Variants in GPHN observed in about 807,000 individuals in gnomAD.
The protein encoded by GPHN is gephyrin.
Under a neutral mutation model 95.5 loss-of-function variants are expected in GPHN, and 17 were observed. The observed-to-expected ratio is 0.18, with a 90% CI of 0.12 to 0.27. GPHN has a LOEUF of 0.27. GPHN is among the 10% of genes least tolerant of loss of function. The probability of loss-of-function intolerance (pLI) is 1.00; values close to 1 mark genes in which losing one functional copy is unlikely to be tolerated. For missense variants in GPHN, 660 were observed against 978.1 expected (o/e 0.67, Z 4.34); for synonymous variants, 320 against 322.5 (o/e 0.99, Z 0.08).
the GPHN span, among the ~76,000 whole-genome samples, chr14:67,247,789 G>A: frequency 6.6e-6 from 1 of 152,002 alleles, no homozygotes; most frequent in Non-Finnish European, 1.5e-5. Flanking sequence ...ATGTTGCCCA[G>A]GCTGGTCTCA....
Position 66,924,167 on chromosome 14 carries a change from T to TA in GPHN, c.730-27_730-26insA, listed in dbSNP as rs756515605. 54 of 1,229,054 alleles carry TA rather than the reference T, an allele frequency of 4.4e-5. No individual in the cohort carries two copies. In the African/African-American group the frequency reaches 6.5e-4, roughly 15 times the overall value. 76.1% of individuals were successfully genotyped at this position (1,229,054 alleles called of 1,614,324 possible). A position where few individuals can be genotyped will look rare whatever the true frequency, so the allele number is the denominator to read the frequency against. On this transcript the variant is annotated intron_variant, in intron 7 of 22. Coordinates refer to ENST00000478722, the MANE Select transcript of GPHN (RefSeq NM_020806.5). ...GTTTCATGTTTTCCTGTCACTATAT[T>TA]CATAGTTGTTATGTGTTGTGCATTA...
the GPHN span, among the ~76,000 whole-genome samples, chr14:67,416,665 T>C: frequency 6.6e-6 from 1 of 152,236 alleles, no homozygotes; most frequent in Non-Finnish European, 1.5e-5. Context: ...GGGAGACAGA[T>C]ACTGAGAATG....
chr14:67,640,854 A>G, the GPHN span, among the ~76,000 whole-genome samples: 2 of 152,200 alleles, frequency 1.3e-5, no homozygotes, highest in Admixed American at 6.5e-5. Context: ...TCCTTAGGAG[A>G]CAAACTGCAT....
At chr14:67,299,215 G>A in the GPHN span, among the ~76,000 whole-genome samples, 705 of 152,152 alleles carry the variant, frequency 4.6e-3, 5 homozygotes, top group African/African-American at 0.016. Flanking sequence ...TGAAATATCC[G>A]GTTAGATCTT....
intron 3 of GPHN, among the ~76,000 whole-genome samples, chr14:66,819,638 T>C (rs1218901341): frequency 6.6e-6 from 1 of 152,016 alleles, no homozygotes; most frequent in Non-Finnish European, 1.5e-5. Flanking sequence ...CTTTTGTTTT[T>C]GTTTTTTTGC....
chr14:66,863,305 G>A (rs915493915), intron 4 of GPHN, among the ~76,000 whole-genome samples: 2 of 151,688 alleles, frequency 1.3e-5, no homozygotes, highest in Non-Finnish European at 2.9e-5. Flanking sequence ...TAAAACTGAT[G>A]AAAGAAATTG....
chr14:67,107,224 T>C (rs2153683436), intron 13 of GPHN, among the ~76,000 whole-genome samples: 1 of 152,260 alleles, frequency 6.6e-6, no homozygotes, highest in South Asian at 2.1e-4. Flanking sequence ...GAGAATCAGC[T>C]GAAGGGATCC....
the GPHN span, among the ~76,000 whole-genome samples, chr14:67,293,319 T>C: frequency 6.6e-6 from 1 of 152,174 alleles, no homozygotes; most frequent in East Asian, 1.9e-4. Flanking sequence ...AAATAAACTC[T>C]CCTGTTTTGG....
chr14:67,047,707 G>A (rs932340465), intron 10 of GPHN, among the ~76,000 whole-genome samples: 6 of 152,140 alleles, frequency 3.9e-5, no homozygotes, highest in East Asian at 3.9e-4. Flanking sequence ...AGGGAAGGCC[G>A]GTCATGGTGG....
At chr14:66,998,793 A>C (rs947153986) in intron 9 of GPHN, among the ~76,000 whole-genome samples, 63 of 151,796 alleles carry the variant, frequency 4.2e-4, no homozygotes, top group African/African-American at 1.5e-3. Flanking sequence ...CCTATCCATG[A>C]GTTGTATAGG....
At chr14:66,540,128 C>G (rs966834053) in intron 1 of GPHN, among the ~76,000 whole-genome samples, 2 of 152,204 alleles carry the variant, frequency 1.3e-5, no homozygotes, top group African/African-American at 4.8e-5. Context: ...TTCATGTTGG[C>G]TGAAGGTTGG....
intron 9 of GPHN, among the ~76,000 whole-genome samples, chr14:67,017,220 A>G (rs1363678740): frequency 1.3e-5 from 2 of 152,144 alleles, no homozygotes; most frequent in Non-Finnish European, 2.9e-5. Flanking sequence ...CAAATAAGCC[A>G]AATACTTGCA....
chr14:67,308,914 A>C, the GPHN span, among the ~76,000 whole-genome samples: 1 of 152,120 alleles, frequency 6.6e-6, no homozygotes, highest in Non-Finnish European at 1.5e-5. Flanking sequence ...TGGATCCCTA[A>C]AAAACATGTA....
At chr14:67,724,726 A>C in the GPHN span, 1 of 741,760 alleles carries the variant, frequency 1.3e-6, no homozygotes, top group Non-Finnish European at 2.4e-6. Context: ...CCTGGGATTC[A>C]AGTCCAACTG....
intron 1 of GPHN, among the ~76,000 whole-genome samples, chr14:66,661,837 T>G (rs2065675375): frequency 6.6e-6 from 1 of 152,168 alleles, no homozygotes; most frequent in Admixed American, 6.5e-5. Flanking sequence ...CTGTGGGCTT[T>G]GGAGAGCCCA....
intron 17 of GPHN, among the ~76,000 whole-genome samples, chr14:67,134,105 G>T (rs1295145714): frequency 1.3e-5 from 2 of 152,220 alleles, no homozygotes; most frequent in Non-Finnish European, 2.9e-5. Flanking sequence ...TAGAATCACA[G>T]TATCTTATTC....
intron 10 of GPHN, among the ~76,000 whole-genome samples, chr14:67,033,151 G>A (rs1425190358): frequency 6.6e-6 from 1 of 152,126 alleles, no homozygotes; most frequent in African/African-American, 2.4e-5. Flanking sequence ...ACTCACTAGA[G>A]GGGTTCAACA....
Position 66,766,968 on chromosome 14 carries a change from G to A in GPHN, c.144-9496G>A, listed in dbSNP as rs186286812. ...AAAAAACTTAGCGTCCCTGTTGATG[G>A]CTTTCAATATAGTTAGCTTCTCAAC... On this transcript the variant is annotated intron_variant, in intron 2 of 22. Transcript: ENST00000478722. Among the ~76,000 whole-genome samples the A allele has an allele frequency of 2.5e-3, 382 of 151,966 alleles. 2 individuals carry two copies. Among genetic ancestry groups the A allele is most frequent in the Non-Finnish European group, 3.9e-3 (266 of 67,900 alleles).
the GPHN span, among the ~76,000 whole-genome samples, chr14:67,642,888 T>C: frequency 3.3e-4 from 44 of 134,926 alleles, no homozygotes; most frequent in African/African-American, 1.2e-3. Context: ...CTGCAACCTC[T>C]GCCTCCTAGG....
Sources: gnomAD v4.1 joint callset for allele counts (sites outside exome capture counted in the v4.1 genomes callset) on GRCh38, gnomAD v4.1.1 for gene constraint, MANE v1.5 for transcripts, NCBI Gene and HGNC (gene_info 2026-07-23, HGNC 2026-07-21) for gene names.